The following FAM222A variants were observed in gnomAD, a reference collection of about 807,000 sequenced individuals.
The protein encoded by FAM222A is protein FAM222A.
In FAM222A, 7 loss-of-function variants were observed where a neutral mutation model predicts 25.8. That is an observed-to-expected ratio of 0.27 (90% CI 0.15 to 0.51). The LOEUF (loss-of-function observed/expected upper bound fraction) is 0.51, where lower values mean the gene tolerates loss of function less well. Among genes scored for constraint, FAM222A ranks in the 20% least tolerant of loss-of-function variants. FAM222A has a pLI of 0.97. For synonymous variants in FAM222A, 294 were observed against 298.8 expected, an observed-to-expected ratio of 0.98 and a Z score of 0.17; for missense variants, 573 against 640.5, an observed-to-expected ratio of 0.89 and a Z score of 1.14.
At chr12:109,726,063 C>T (rs1346220558) in intron 1 of FAM222A, among the ~76,000 whole-genome samples, 5 of 148,004 alleles carry the variant, frequency 3.4e-5, no homozygotes, top group Admixed American at 1.4e-4. Context: ...CCTCCTGCCC[C>T]GTTCTCTGTA....
intron 1 of FAM222A, among the ~76,000 whole-genome samples, chr12:109,732,701 T>C (rs1592782107): frequency 6.6e-6 from 1 of 152,208 alleles, no homozygotes; most frequent in Non-Finnish European, 1.5e-5. Context: ...GGGGGAGGTG[T>C]GTGTGAGAGT....
intron 1 of FAM222A, among the ~76,000 whole-genome samples, chr12:109,737,013 A>C (rs1238758553): frequency 2.0e-5 from 3 of 152,118 alleles, no homozygotes; most frequent in Non-Finnish European, 4.4e-5. Context: ...GTGAACCCAT[A>C]GAGGAAGGAT....
At chr12:109,731,243 G>A (rs1887941666) in intron 1 of FAM222A, among the ~76,000 whole-genome samples, 1 of 152,066 alleles carries the variant, frequency 6.6e-6, no homozygotes, top group Admixed American at 6.5e-5. Flanking sequence ...TATGGTGGTG[G>A]CGGGAGGGGT....
chr12:109,765,892 C>T (rs2136387250), intron 2 of FAM222A, among the ~76,000 whole-genome samples: 1 of 152,348 alleles, frequency 6.6e-6, no homozygotes, highest in Admixed American at 6.5e-5. Flanking sequence ...CTCACGCTCA[C>T]AGAACACCAG....
chr12:109,738,737 C>T (rs539280936), intron 1 of FAM222A, among the ~76,000 whole-genome samples: 41 of 152,360 alleles, frequency 2.7e-4, no homozygotes, highest in Middle Eastern at 3.4e-3. Flanking sequence ...TGTGTGCCCA[C>T]AGTTCAGGGA....
rs542798024 is a variant in FAM222A at position 109,768,805 on chromosome 12, G to C, written c.876G>C (p.Pro292=). Residue 292 remains proline, a synonymous_variant, in exon 3 of 3, where the codon CCG becomes CCC. Transcript: ENST00000538780. ...GLDYLLWPQK[P]PPPPPQPLRA... is the part of the protein sequence containing the mutation. ...ATTACCTGCTGTGGCCGCAGAAACC[G>C]CCCCCACCGCCGCCCCAGCCACTGC... is the stretch of plus-strand genomic sequence containing the variant. 1.7e-5 allele frequency: 26 copies of C among 1,571,564 alleles called. No homozygotes were observed. The highest frequency in any genetic ancestry group is 2.3e-5 in the East Asian group (1 of 43,130).
intron 2 of FAM222A, among the ~76,000 whole-genome samples, chr12:109,748,066 T>C (rs1026423074): frequency 6.6e-6 from 1 of 152,194 alleles, no homozygotes; most frequent in Non-Finnish European, 1.5e-5. Context: ...TCCTGTTTTG[T>C]TGAGGATTTT....
intron 1 of FAM222A, among the ~76,000 whole-genome samples, chr12:109,732,410 ACT>A (rs1887965499): frequency 6.6e-6 from 1 of 152,136 alleles, no homozygotes; most frequent in Admixed American, 6.5e-5. Context: ...AGGAAGGGCC[ACT>A]CTGTGCTAAG....
intron 2 of FAM222A, among the ~76,000 whole-genome samples, chr12:109,752,046 C>CA (rs1046956155): frequency 9.9e-5 from 15 of 151,598 alleles, no homozygotes; most frequent in African/African-American, 2.9e-4. Context: ...TGCATCTGTG[C>CA]AAAAAAAAAT....
chr12:109,745,122 G>GGCCA (rs1888361499), intron 2 of FAM222A, among the ~76,000 whole-genome samples: 1 of 152,130 alleles, frequency 6.6e-6, no homozygotes. Context: ...CCTCCCTCTG[G>GGCCA]GCCAGCCACC....
rs1362789047 is a variant in FAM222A, at chr12:109,768,381, C to T, written c.452C>T (p.Pro151Leu). ...VQVGIAPYPV[P>L]STLGPLAYPK... ...GTGGGCATTGCGCCCTACCCAGTGCCCAGCACTCTGGGTCCCTTGGCCTAC... is the reference window on the plus strand; with the variant it reads ...GTGGGCATTGCGCCCTACCCAGTGCTCAGCACTCTGGGTCCCTTGGCCTAC... The change falls in exon 3 of 3, where the codon CCC becomes CTC. Residue 151 changes from proline (P) to leucine (L), a missense_variant. By Grantham distance (98) the Pro-to-Leu change is moderately conservative. This residue lies in a region of FAM222A where 412 missense variants were observed against 407.0 expected (regional missense o/e 1.01). Coordinates refer to ENST00000538780, the MANE Select transcript of FAM222A (RefSeq NM_032829.3). 1 of 1,598,322 alleles carries T rather than the reference C, an allele frequency of 6.3e-7. No homozygotes were observed.
chr12:109,750,603 C>T (rs1888534517), intron 2 of FAM222A, among the ~76,000 whole-genome samples: 1 of 152,084 alleles, frequency 6.6e-6, no homozygotes, highest in Non-Finnish European at 1.5e-5. Flanking sequence ...ACAATCCCCA[C>T]ATTTGTTTCT....
chr12:109,768,668 G>A lies in FAM222A; in HGVS notation c.739G>A (p.Ala247Thr), dbSNP rs767534629. Reference protein sequence around the residue: ...PSFPSMAYSAAAGLPDCRKGT... With the variant: ...PSFPSMAYSATAGLPDCRKGT... Reference sequence around the variant, plus strand: ...CTTCCCCAGCATGGCCTACTCGGCTGCAGCCGGTCTGCCCGACTGCCGGAA... The same window carrying A: ...CTTCCCCAGCATGGCCTACTCGGCTACAGCCGGTCTGCCCGACTGCCGGAA... The change falls in exon 3 of 3, where the codon GCA (alanine) becomes ACA (threonine). Residue 247 changes from alanine to threonine, a missense_variant. Physicochemically the swap from Ala to Thr is moderately conservative, Grantham distance 58. Coordinates refer to ENST00000538780, the MANE Select transcript of FAM222A (RefSeq NM_032829.3). 1.2e-5 allele frequency: 19 copies of A among 1,595,838 alleles called. No homozygotes were observed. Among genetic ancestry groups the A allele is most frequent in the Non-Finnish European group, 1.6e-5 (19 of 1,177,094 alleles).
intron 1 of FAM222A, among the ~76,000 whole-genome samples, chr12:109,725,418 T>C (rs941824688): frequency 2.6e-5 from 3 of 116,712 alleles, no homozygotes; most frequent in African/African-American, 9.5e-5. Context: ...TGCTCTTCTC[T>C]CTTCTCCCTC....
intron 1 of FAM222A, among the ~76,000 whole-genome samples, chr12:109,737,433 T>C (rs1401767385): frequency 2.0e-5 from 3 of 151,740 alleles, no homozygotes; most frequent in Admixed American, 1.3e-4. Flanking sequence ...ATCTTTGTCC[T>C]AGAAACCAAA....
chr12:109,752,796 A>T (rs1888598256), intron 2 of FAM222A, among the ~76,000 whole-genome samples: 1 of 152,126 alleles, frequency 6.6e-6, no homozygotes. Context: ...GTAGCTTGTG[A>T]TGAGGTCTGG....
intron 2 of FAM222A, among the ~76,000 whole-genome samples, chr12:109,752,523 C>T (rs376075065): frequency 6.6e-6 from 1 of 152,216 alleles, no homozygotes; most frequent in East Asian, 1.9e-4. Flanking sequence ...GGCTTTGTGA[C>T]CAGACCTGGG....
chr12:109,766,817 C>T (rs112562135), intron 2 of FAM222A, among the ~76,000 whole-genome samples: 2,131 of 152,222 alleles, frequency 0.014, 50 homozygotes, highest in African/African-American at 0.049. Flanking sequence ...GGGGCATCTC[C>T]CCTGTGACCT....
chr12:109,757,052 T>A (rs1179112287), intron 2 of FAM222A, among the ~76,000 whole-genome samples: 3 of 152,212 alleles, frequency 2.0e-5, no homozygotes, highest in Non-Finnish European at 4.4e-5. Flanking sequence ...ATTTCTCAAG[T>A]TAGTCTTGGT....
Sources: allele counts gnomAD v4.1 joint callset (sites outside exome capture counted in the v4.1 genomes callset), GRCh38; gene constraint gnomAD v4.1.1; regional missense constraint gnomAD v4.1.1; transcripts MANE v1.5; gene names NCBI Gene and HGNC (gene_info 2026-07-23, HGNC 2026-07-21).